The following GADL1 variants were observed in gnomAD, a reference collection of about 807,000 sequenced individuals.
The protein encoded by GADL1 is GAD like acidic amino acid decarboxylase 1.
Under a neutral mutation model 69.5 loss-of-function variants are expected in GADL1, and 71 were observed. The ratio of observed to expected loss-of-function variants is 1.02; its 90% confidence interval spans 0.84 to 1.25. GADL1 has a LOEUF of 1.25. Ranked by LOEUF, GADL1 falls within the 50% of genes most tolerant of loss-of-function variation. The pLI, the probability that GADL1 is intolerant of heterozygous loss-of-function variation, is 0.00. For missense variants in GADL1, 737 were observed against 631.8 expected (o/e 1.17, Z -1.79); for synonymous variants, 254 against 214.4 (o/e 1.18, Z -1.62).
intron 8 of GADL1, among the ~76,000 whole-genome samples, chr3:30,843,459 T>C (rs1559358675): frequency 6.6e-6 from 1 of 151,870 alleles, no homozygotes; most frequent in Non-Finnish European, 1.5e-5. Flanking sequence ...GGTTTCACTG[T>C]ATTAGCCAGG....
chr3:30,804,638 C>T (rs1697221767), intron 11 of GADL1, among the ~76,000 whole-genome samples: 1 of 152,138 alleles, frequency 6.6e-6, no homozygotes, highest in Non-Finnish European at 1.5e-5. Flanking sequence ...CCTTTTATTT[C>T]TAATGTTTTC....
At chr3:30,773,668 T>C (rs1196752022) in intron 14 of GADL1, among the ~76,000 whole-genome samples, 1 of 152,208 alleles carries the variant, frequency 6.6e-6, no homozygotes, top group Non-Finnish European at 1.5e-5. Context: ...TTATAAGTTA[T>C]GTACTAAAAT....
At chr3:30,739,963 T>A (rs1439209278) in intron 14 of GADL1, among the ~76,000 whole-genome samples, 4 of 152,174 alleles carry the variant, frequency 2.6e-5, no homozygotes, top group Admixed American at 2.6e-4. Context: ...TTGAGAAAAT[T>A]AATGAAAGCA....
At chr3:30,838,130 T>A (rs1477289604) in intron 9 of GADL1, among the ~76,000 whole-genome samples, 1 of 152,112 alleles carries the variant, frequency 6.6e-6, no homozygotes, top group East Asian at 1.9e-4. Flanking sequence ...AAAAAATATT[T>A]CTTCTGCCAA....
At chr3:30,891,395 G>A (rs1455810182) in intron 1 of GADL1, among the ~76,000 whole-genome samples, 1 of 152,098 alleles carries the variant, frequency 6.6e-6, no homozygotes, top group Non-Finnish European at 1.5e-5. Flanking sequence ...CCCACTCAAA[G>A]AGGAAACAAT....
chr3:30,885,867 G>A (rs888357720), intron 1 of GADL1, among the ~76,000 whole-genome samples: 12 of 151,914 alleles, frequency 7.9e-5, no homozygotes, highest in East Asian at 7.8e-4. Flanking sequence ...TTGTCCTCCC[G>A]AAGTACTGGA....
rs60769045 is a variant in GADL1 at position 30,728,515 on chromosome 3, G to T, written c.1393-100C>A. On this transcript the variant is annotated intron_variant, in intron 14 of 14. Transcript: ENST00000282538. ...TTGGACATTTACTGGGCATCCACTG[G>T]TTTGGATCCCATTCTCATTCACACA... The T allele has an allele frequency of 9.6e-4, 817 of 853,162 alleles. 7 individuals are homozygous for T. The African/African-American group carries it at 0.012, about 12-fold the overall frequency. 52.8% of individuals were successfully genotyped at this position (853,162 alleles called of 1,614,324 possible). A position where few individuals can be genotyped will look rare whatever the true frequency, so the allele number is the denominator to read the frequency against.
intron 1 of GADL1, among the ~76,000 whole-genome samples, chr3:30,894,222 C>T (rs1384153976): frequency 6.6e-6 from 1 of 152,122 alleles, no homozygotes; most frequent in Non-Finnish European, 1.5e-5. Flanking sequence ...TGTCCTTGTC[C>T]CCCAGAAAGA....
chr3:30,753,236 GGA>G (rs1695876157), intron 14 of GADL1, among the ~76,000 whole-genome samples: 1 of 152,080 alleles, frequency 6.6e-6, no homozygotes, highest in South Asian at 2.1e-4. Context: ...TTGTGTGAAT[GGA>G]GATAGTTCCA....
chr3:30,786,395 TCTA>T lies in GADL1; in HGVS notation c.1259_1261del (p.Val420del), dbSNP rs758286771. On this transcript the variant is annotated inframe_deletion, in exon 13 of 15. Transcript: ENST00000282538. ...GAATCCTTCTCTTTTCTTGATTTCA[TCTA>T]CTAGGTACCTAAAATTAAAAGTCAC... 3.4e-6 allele frequency: 5 copies of T among 1,484,786 alleles called. No individual in the cohort carries two copies. The highest frequency in any genetic ancestry group is 4.7e-6 in the Non-Finnish European group (5 of 1,064,546). The allele number at this position is 1,484,786 out of a possible 1,614,324, so 92.0% of individuals were successfully genotyped here.
intron 11 of GADL1, among the ~76,000 whole-genome samples, chr3:30,809,876 T>C (rs947368326): frequency 2.0e-5 from 3 of 152,220 alleles, no homozygotes; most frequent in Non-Finnish European, 4.4e-5. Flanking sequence ...ATGCATATTC[T>C]GTGGGGATAT....
chr3:30,743,082 A>G (rs1421701799), intron 14 of GADL1, among the ~76,000 whole-genome samples: 7 of 152,044 alleles, frequency 4.6e-5, no homozygotes, highest in Non-Finnish European at 1.0e-4. Flanking sequence ...ATTTTTTTCA[A>G]CCTGTGTGAG....
chr3:30,838,864 T>TC (rs1383387061), intron 9 of GADL1, 133 bp downstream of exon 9: 9 of 577,426 alleles, frequency 1.6e-5, no homozygotes, highest in Non-Finnish European at 2.8e-5. Context: ...GTGGCATACT[T>TC]ATTTCCCCCA....
At chr3:30,781,941 G>GTACC in intron 13 of GADL1, among the ~76,000 whole-genome samples, 1 of 152,268 alleles carries the variant, frequency 6.6e-6, no homozygotes, top group Non-Finnish European at 1.5e-5. Flanking sequence ...TACTATATTT[G>GTACC]AAGGGAAACA....
intron 11 of GADL1, among the ~76,000 whole-genome samples, chr3:30,802,048 G>A (rs918778485): frequency 1.3e-5 from 2 of 152,100 alleles, no homozygotes; most frequent in African/African-American, 4.8e-5. Flanking sequence ...TATAAGCTGC[G>A]AAGTTTACTG....
intron 14 of GADL1, among the ~76,000 whole-genome samples, chr3:30,740,141 C>T (rs563882627): frequency 6.6e-6 from 1 of 152,250 alleles, no homozygotes; most frequent in East Asian, 1.9e-4. Flanking sequence ...GCAGGCAGGA[C>T]CCACCTCTGC....
At chr3:30,865,889 C>T (rs1470463250) in intron 1 of GADL1, among the ~76,000 whole-genome samples, 1 of 152,012 alleles carries the variant, frequency 6.6e-6, no homozygotes, top group Non-Finnish European at 1.5e-5. Context: ...TTCCTAAAGA[C>T]TCCAACTTCT....
chr3:30,791,098 G>A (rs1471061083), intron 12 of GADL1, among the ~76,000 whole-genome samples: 1 of 152,038 alleles, frequency 6.6e-6, no homozygotes, highest in African/African-American at 2.4e-5. Context: ...TGCAATGAGG[G>A]TGTGTGGTTT....
At chr3:30,783,725 T>A (rs1201167908) in intron 13 of GADL1, among the ~76,000 whole-genome samples, 1 of 152,150 alleles carries the variant, frequency 6.6e-6, no homozygotes, top group Non-Finnish European at 1.5e-5. Flanking sequence ...GAAAACCACC[T>A]GCACTGCTTG....
Sources: allele counts gnomAD v4.1 joint callset (sites outside exome capture counted in the v4.1 genomes callset), GRCh38; gene constraint gnomAD v4.1.1; transcripts MANE v1.5; gene names NCBI Gene and HGNC (gene_info 2026-07-23, HGNC 2026-07-21).